Variants in CACNB4 observed in about 807,000 individuals in gnomAD.
The protein encoded by CACNB4 is voltage-dependent L-type calcium channel subunit beta-4.
In CACNB4, 32 loss-of-function variants were observed where a neutral mutation model predicts 71.2. That is an observed-to-expected ratio of 0.45 (90% confidence interval 0.34 to 0.60). The LOEUF is 0.60. Among genes scored for constraint, CACNB4 ranks in the 20% least tolerant of loss-of-function variants. The pLI, the probability that CACNB4 is intolerant of heterozygous loss-of-function variation, is 0.01. For synonymous variants in CACNB4, 231 were observed against 236.9 expected (o/e 0.97, Z 0.23); for missense variants, 464 against 647.9 (o/e 0.72, Z 3.08).
intron 2 of CACNB4, among the ~76,000 whole-genome samples, chr2:151,985,130 CAA>C (rs754077900): frequency 6.6e-4 from 100 of 152,148 alleles, no homozygotes; most frequent in African/African-American, 1.5e-3. Context: ...TTGGAAAATT[CAA>C]AAGAGTAAGA....
At chr2:152,035,093 C>A (rs190046723) in intron 2 of CACNB4, among the ~76,000 whole-genome samples, 1 of 152,304 alleles carries the variant, frequency 6.6e-6, no homozygotes, top group Admixed American at 6.5e-5. Context: ...AACCTCCGGG[C>A]AGGAGAAGGA....
At chr2:151,935,398 AC>A (rs1235355821) in intron 2 of CACNB4, among the ~76,000 whole-genome samples, 3 of 152,260 alleles carry the variant, frequency 2.0e-5, no homozygotes, top group Non-Finnish European at 1.5e-5. Context: ...TAAAAGTGAG[AC>A]AATGCATCAA....
rs757462774 is a variant in CACNB4 at position 151,944,115 on chromosome 2, A to G, written c.148-60745T>C. On this transcript the variant is annotated intron_variant, in intron 2 of 13. Coordinates refer to ENST00000539935, the MANE Select transcript of CACNB4 (RefSeq NM_000726.5). ...GTGACCACAGCTCACTATAGCTTCG[A>G]ACACCTGGACTCATGTTATCCTCCT... 2.6e-5 allele frequency among the ~76,000 whole-genome samples: 4 copies of G among 151,264 alleles called. 1 individual carries two copies. The highest frequency in any genetic ancestry group is 1.3e-4 in the Admixed American group (2 of 15,122).
At chr2:151,971,427 T>C in intron 2 of CACNB4, 1 of 695,100 alleles carries the variant, frequency 1.4e-6, no homozygotes, top group Non-Finnish European at 2.6e-6. Flanking sequence ...CGTACTCAGC[T>C]TTTAGTGCCT....
intron 2 of CACNB4, among the ~76,000 whole-genome samples, chr2:152,073,767 C>T (rs905276367): frequency 6.6e-6 from 1 of 152,204 alleles, no homozygotes; most frequent in Non-Finnish European, 1.5e-5. Context: ...TCTCCAAGAG[C>T]AGGGCTCTCA....
At chr2:151,921,821 C>T (rs530481265) in intron 2 of CACNB4, among the ~76,000 whole-genome samples, 62 of 152,202 alleles carry the variant, frequency 4.1e-4, no homozygotes, top group African/African-American at 1.4e-3. Flanking sequence ...TGTGGCACTT[C>T]GCCCTTTTCT....
intron 2 of CACNB4, among the ~76,000 whole-genome samples, chr2:152,012,907 T>C (rs1683140988): frequency 6.6e-6 from 1 of 152,192 alleles, no homozygotes; most frequent in African/African-American, 2.4e-5. Context: ...ACTCACTGAC[T>C]CACCCAGAGC....
intron 2 of CACNB4, among the ~76,000 whole-genome samples, chr2:151,919,588 A>G (rs1021318010): frequency 3.3e-5 from 5 of 152,170 alleles, no homozygotes; most frequent in African/African-American, 4.8e-5. Context: ...TCCTGCAAGT[A>G]CAGGGATGGC....
chr2:151,880,266 G>C (rs1276017363), intron 4 of CACNB4: 1 of 153,954 alleles, frequency 6.5e-6, no homozygotes, highest in Non-Finnish European at 1.4e-5. Context: ...CACCCTTCTT[G>C]GCTACTCAAA....
intron 2 of CACNB4, among the ~76,000 whole-genome samples, chr2:152,094,512 G>A (rs1281269012): frequency 6.6e-6 from 1 of 152,144 alleles, no homozygotes; most frequent in Non-Finnish European, 1.5e-5. Flanking sequence ...GTGGGAAGAG[G>A]ACTAACTTGG....
At chr2:151,887,218 C>A (rs139133953) in intron 2 of CACNB4, among the ~76,000 whole-genome samples, 247 of 151,896 alleles carry the variant, frequency 1.6e-3, no homozygotes, top group African/African-American at 5.7e-3. Context: ...GCATTCTATT[C>A]ATAAAACAGG....
At chr2:151,901,957 A>AG (rs953804865) in intron 2 of CACNB4, among the ~76,000 whole-genome samples, 1 of 152,158 alleles carries the variant, frequency 6.6e-6, no homozygotes, top group Non-Finnish European at 1.5e-5. Flanking sequence ...TTGTCAAAGA[A>AG]GGACAGTCCT....
chr2:152,009,036 T>C (rs1579118772), intron 2 of CACNB4, among the ~76,000 whole-genome samples: 1 of 151,354 alleles, frequency 6.6e-6, no homozygotes, highest in Admixed American at 6.6e-5. Flanking sequence ...ATCAAAAATG[T>C]GAAAAAGGAC....
chr2:151,960,306 T>C (rs934145062), intron 2 of CACNB4, among the ~76,000 whole-genome samples: 1 of 152,212 alleles, frequency 6.6e-6, no homozygotes, highest in Non-Finnish European at 1.5e-5. Flanking sequence ...AATCATTTTA[T>C]TCCTTATTGC....
intron 2 of CACNB4, among the ~76,000 whole-genome samples, chr2:151,915,849 A>T (rs1192235659): frequency 3.2e-4 from 2 of 6,214 alleles, no homozygotes; most frequent in Non-Finnish European, 4.4e-3. Flanking sequence ...CTCCATCTCA[A>T]AAAAAAAAAA....
intron 2 of CACNB4, among the ~76,000 whole-genome samples, chr2:152,068,726 G>A (rs1686487776): frequency 6.6e-6 from 1 of 151,970 alleles, no homozygotes; most frequent in Non-Finnish European, 1.5e-5. Flanking sequence ...GGGTCAGGGT[G>A]GTAAGATCAT....
At chr2:151,946,615 T>C (rs7349251) in intron 2 of CACNB4, among the ~76,000 whole-genome samples, 69,602 of 152,028 alleles carry the variant, frequency 0.46, 19,790 homozygotes, top group Non-Finnish European at 0.64. Context: ...ACATGACAGA[T>C]ACATTCTGAT....
At chr2:152,020,344 C>A (rs564739576) in intron 2 of CACNB4, among the ~76,000 whole-genome samples, 1 of 152,170 alleles carries the variant, frequency 6.6e-6, no homozygotes, top group East Asian at 1.9e-4. Context: ...TGGGTGAGAA[C>A]TGGATAAGTG....
intron 2 of CACNB4, among the ~76,000 whole-genome samples, chr2:152,040,072 C>T (rs901097093): frequency 3.6e-4 from 54 of 152,092 alleles, no homozygotes; most frequent in East Asian, 1.5e-3. Flanking sequence ...TGATGGCCCC[C>T]AGTTTTCATT....
Sources: gnomAD v4.1 joint callset for allele counts (sites outside exome capture counted in the v4.1 genomes callset) on GRCh38, gnomAD v4.1.1 for gene constraint, MANE v1.5 for transcripts, NCBI Gene and HGNC (gene_info 2026-07-23, HGNC 2026-07-21) for gene names.